AGPAT4: variants seen among roughly 807,000 people sequenced by gnomAD.
AGPAT4 encodes 1-acylglycerol-3-phosphate O-acyltransferase 4, also known as 1-acyl-sn-glycerol-3-phosphate acyltransferase delta.
A neutral mutation model predicts 48.0 loss-of-function variants in AGPAT4; 15 were observed. The ratio of observed to expected loss-of-function variants is 0.31; its 90% CI spans 0.21 to 0.48. AGPAT4 has a LOEUF of 0.48. Among genes scored for constraint, AGPAT4 ranks in the 20% least tolerant of loss-of-function variants. The pLI is 0.99. For synonymous variants in AGPAT4, 178 were observed against 198.7 expected, an observed-to-expected ratio of 0.90 and a Z score of 0.88; for missense variants, 314 against 482.5, an observed-to-expected ratio of 0.65 and a Z score of 3.27.
intron 2 of AGPAT4, among the ~76,000 whole-genome samples, chr6:161,199,094 A>G (rs1781145583): frequency 6.7e-6 from 1 of 149,588 alleles, no homozygotes; most frequent in East Asian, 1.9e-4. Context: ...TTTGGTAATT[A>G]TAGAGGAATT....
At chr6:161,273,380 T>A (rs1783486180) in intron 1 of AGPAT4, among the ~76,000 whole-genome samples, 1 of 152,158 alleles carries the variant, frequency 6.6e-6, no homozygotes. Context: ...CAAGCCATGC[T>A]GGATTTTAGC....
intron 1 of AGPAT4, among the ~76,000 whole-genome samples, chr6:161,269,636 C>T (rs1327644405): frequency 6.6e-6 from 1 of 152,132 alleles, no homozygotes; most frequent in Admixed American, 6.5e-5. Context: ...CAGAGCGAGA[C>T]CCTGCCCACC....
rs770490075 is a variant in AGPAT4, at chr6:161,219,916, C to CAGGCAGGCAGGCGGCAGGCA, written c.178+12119_178+12120insTGCCTGCCGCCTGCCTGCCT. ...GCAGGCAGGCAGGCAGGCAGGCAGGCGGCAGGCAGGCAGGCAGGCAGGCAG... is the reference window on the plus strand; with the variant it reads ...GCAGGCAGGCAGGCAGGCAGGCAGGCAGGCAGGCAGGCGGCAGGCAGGCAGGCAGGCAGGCAGGCAGGCAG... On this transcript the variant is annotated intron_variant, in intron 2 of 8. Transcript: ENST00000320285. The surrounding 1 kb of genome is among the most constrained non-coding windows in gnomAD (Gnocchi z 4.9). Among the ~76,000 whole-genome samples the CAGGCAGGCAGGCGGCAGGCA allele has an allele frequency of 9.4e-4, 100 of 106,024 alleles. No individual in the cohort carries two copies. Among genetic ancestry groups the CAGGCAGGCAGGCGGCAGGCA allele is most frequent in the Admixed American group, 4.4e-3 (48 of 10,810 alleles). 69.6% of individuals were successfully genotyped at this position (106,024 alleles called of 152,430 possible). A position where few individuals can be genotyped will look rare whatever the true frequency, so the allele number is the denominator to read the frequency against.
chr6:161,142,757 G>A lies in AGPAT4; in HGVS notation c.844-3137C>T, dbSNP rs1779295093. ...CTTAGTCAGCAAGTCTGGGCGGGGA[G>A]AGGCTCTGTGAGAAGCGCTCGCAAG... is the stretch of plus-strand genomic sequence containing the variant. On this transcript the variant is annotated intron_variant, in intron 7 of 8. Coordinates refer to ENST00000320285, the MANE Select transcript of AGPAT4 (RefSeq NM_020133.3). The surrounding 1 kb of genome is among the most constrained non-coding windows in gnomAD (Gnocchi z 6.4). Among the ~76,000 whole-genome samples, 1 of 152,332 alleles carries A rather than the reference G, an allele frequency of 6.6e-6. No individual in the cohort carries two copies. Among genetic ancestry groups the A allele is most frequent in the Non-Finnish European group, 1.5e-5 (1 of 68,030 alleles).
At chr6:161,172,061 T>A (rs917726635) in intron 2 of AGPAT4, among the ~76,000 whole-genome samples, 1 of 152,172 alleles carries the variant, frequency 6.6e-6, no homozygotes, top group Non-Finnish European at 1.5e-5. Flanking sequence ...TTTAACTTCA[T>A]AAGAATTGGA....
chr6:161,156,190 G>A (rs1779762897), intron 3 of AGPAT4, among the ~76,000 whole-genome samples: 4 of 152,202 alleles, frequency 2.6e-5, no homozygotes, highest in South Asian at 2.1e-4. Context: ...GACATGTCAC[G>A]TGGGTTATGG....
At position 161,204,866 on chromosome 6, in the gene AGPAT4, TAAG is replaced by T. The variant is rs1364627710; in HGVS notation, c.178+27167_178+27169del. On this transcript the variant is annotated intron_variant, in intron 2 of 8. Transcript: ENST00000320285. The surrounding 1 kb of genome is among the most constrained non-coding windows in gnomAD (Gnocchi z 4.4). ...TTTGTAATGATTATAGAGTCAGCTA[TAAG>T]AAGAATTTCAATTGTGGTTAAGAAA... Among the ~76,000 whole-genome samples the T allele has an allele frequency of 6.6e-6, 1 of 152,186 alleles. No homozygotes were observed. The highest frequency in any genetic ancestry group is 2.4e-5 in the African/African-American group (1 of 41,448).
chr6:161,267,550 C>T lies in AGPAT4; in HGVS notation c.-90+6388G>A, dbSNP rs1783301228. Among the ~76,000 whole-genome samples, 1 of 152,016 alleles carries T rather than the reference C, an allele frequency of 6.6e-6. No individual in the cohort carries two copies. On this transcript the variant is annotated intron_variant, in intron 1 of 8. Coordinates refer to ENST00000320285, the MANE Select transcript of AGPAT4 (RefSeq NM_020133.3). This position sits in a 1 kb window ranked among gnomAD's most constrained non-coding sequence, Gnocchi z 5.2. ...CCAACATGGGGAAACCCTGTCTCTA[C>T]TAAAAATACACACGCAAAAAAATTA... is the stretch of plus-strand genomic sequence containing the variant.
intron 1 of AGPAT4, among the ~76,000 whole-genome samples, chr6:161,256,668 C>T (rs1248941141): frequency 1.3e-5 from 2 of 152,326 alleles, no homozygotes; most frequent in East Asian, 3.9e-4. Context: ...ATGGCTCCCC[C>T]GGTCCCTGCA....
chr6:161,169,380 A>T lies in AGPAT4; in HGVS notation c.179-2963T>A, dbSNP rs1480074257. 6.6e-6 allele frequency among the ~76,000 whole-genome samples: 1 copy of T among 152,152 alleles called. No individual in the cohort carries two copies. Among genetic ancestry groups the T allele is most frequent in the African/African-American group, 2.4e-5 (1 of 41,430 alleles). On this transcript the variant is annotated intron_variant, in intron 2 of 8. Transcript: ENST00000320285. This position sits in a 1 kb window ranked among gnomAD's most constrained non-coding sequence, Gnocchi z 5.0. Reference sequence around the variant, plus strand: ...CTGGGACCAGGTGGGGGAAGACCAAATTTCCCACTCACCTCAGCAGGCTGC... The same window carrying T: ...CTGGGACCAGGTGGGGGAAGACCAATTTTCCCACTCACCTCAGCAGGCTGC...
intron 1 of AGPAT4, among the ~76,000 whole-genome samples, chr6:161,248,434 C>T (rs1277184043): frequency 6.6e-6 from 1 of 151,786 alleles, no homozygotes. Flanking sequence ...ATTAGCCGGG[C>T]ATGGTGGTGG....
At position 161,154,112 on chromosome 6, in the gene AGPAT4, G is replaced by C; in HGVS notation, c.510+37C>G. On this transcript the variant is annotated intron_variant, in intron 4 of 8. Coordinates refer to ENST00000320285, the MANE Select transcript of AGPAT4 (RefSeq NM_020133.3). The surrounding 1 kb of genome is among the most constrained non-coding windows in gnomAD (Gnocchi z 7.8). ...GGGTCCCACGGTCACAGTCCTGCAGGAGCCCTTGGGACACAGCTGCTCTGG... is the reference window on the plus strand; with the variant it reads ...GGGTCCCACGGTCACAGTCCTGCAGCAGCCCTTGGGACACAGCTGCTCTGG... 6.2e-7 allele frequency: 1 copy of C among 1,613,546 alleles called. No individual in the cohort carries two copies. Among genetic ancestry groups the C allele is most frequent in the South Asian group, 1.1e-5 (1 of 90,990 alleles).
In AGPAT4 at chr6:161,138,407, G is replaced by A. The variant is rs1779145972; in HGVS notation, c.1042+1015C>T. On this transcript the variant is annotated intron_variant, in intron 8 of 8. Transcript: ENST00000320285. This position sits in a 1 kb window ranked among gnomAD's most constrained non-coding sequence, Gnocchi z 4.8. ...AGGTTTATGTGCTGTGACCTGTTTT[G>A]GTGGTTATGATTCATTAGGTGAAAA... Among the ~76,000 whole-genome samples the A allele has an allele frequency of 6.6e-6, 1 of 152,128 alleles. No individual in the cohort carries two copies. Among genetic ancestry groups the A allele is most frequent in the Non-Finnish European group, 1.5e-5 (1 of 68,020 alleles).
At position 161,266,102 on chromosome 6, in the gene AGPAT4, C is replaced by T. The variant is rs1410296443; in HGVS notation, c.-90+7836G>A. On this transcript the variant is annotated intron_variant, in intron 1 of 8. Transcript: ENST00000320285. This position sits in a 1 kb window ranked among gnomAD's most constrained non-coding sequence, Gnocchi z 6.2. ...GTTTGTCCCTCTAGGGGATTTTTGGCTGTCACAAGTAGGAGTGGGGTGACT... is the reference window on the plus strand; with the variant it reads ...GTTTGTCCCTCTAGGGGATTTTTGGTTGTCACAAGTAGGAGTGGGGTGACT... Among the ~76,000 whole-genome samples the T allele has an allele frequency of 6.6e-6, 1 of 152,096 alleles. No homozygotes were observed. Among genetic ancestry groups the T allele is most frequent in the African/African-American group, 2.4e-5 (1 of 41,420 alleles).
intron 3 of AGPAT4, among the ~76,000 whole-genome samples, chr6:161,163,685 C>T (rs547912584): frequency 6.6e-6 from 1 of 152,178 alleles, no homozygotes; most frequent in East Asian, 1.9e-4. Context: ...TAGCTCCTTG[C>T]TTTGTGAGAA....
chr6:161,268,903 T>A (rs1258942982), intron 1 of AGPAT4, among the ~76,000 whole-genome samples: 2 of 152,192 alleles, frequency 1.3e-5, no homozygotes, highest in Non-Finnish European at 2.9e-5. Context: ...ACTGTTCGTG[T>A]TGGGTCTCTA....
At chr6:161,273,173 T>TA (rs1332226248) in intron 1 of AGPAT4, among the ~76,000 whole-genome samples, 10 of 152,162 alleles carry the variant, frequency 6.6e-5, no homozygotes, top group African/African-American at 4.8e-5. Context: ...TTAGGTTTTC[T>TA]AAAAAAAGAC....
Position 161,165,462 on chromosome 6 carries a change from C to T in AGPAT4, c.348+786G>A, listed in dbSNP as rs950822315. 2.6e-5 allele frequency: 14 copies of T among 538,312 alleles called. No homozygotes were observed. Among genetic ancestry groups the T allele is most frequent in the Non-Finnish European group, 3.6e-5 (13 of 361,506 alleles). The allele number at this position is 538,312 out of a possible 1,614,324, so 33.3% of individuals were successfully genotyped here. ...TTCAGCAGCCCCCGTATCTGTTCTA[C>T]AGGGCATTGTTCCCAGGTGCAAAAC... On this transcript the variant is annotated intron_variant, in intron 3 of 8. Coordinates refer to ENST00000320285, the MANE Select transcript of AGPAT4 (RefSeq NM_020133.3). The surrounding 1 kb of genome is among the most constrained non-coding windows in gnomAD (Gnocchi z 5.5).
intron 2 of AGPAT4, among the ~76,000 whole-genome samples, chr6:161,209,889 C>T (rs917485668): frequency 6.6e-6 from 1 of 152,272 alleles, no homozygotes; most frequent in East Asian, 1.9e-4. Context: ...GGTATGTTCA[C>T]ACCACAGAGA....
Sources: allele counts gnomAD v4.1 joint callset (sites outside exome capture counted in the v4.1 genomes callset), GRCh38; gene constraint gnomAD v4.1.1; non-coding constraint Gnocchi (gnomAD v3.1); transcripts MANE v1.5; gene names NCBI Gene and HGNC (gene_info 2026-07-23, HGNC 2026-07-21).